Variants in CCDC7 observed in about 807,000 individuals in gnomAD.
CCDC7 encodes the protein coiled-coil domain containing 7.
CCDC7 carries 183 observed loss-of-function variants against 196.9 expected under a neutral mutation model. That is an observed-to-expected ratio of 0.93 (90% CI 0.82 to 1.05). The LOEUF is 1.05. CCDC7 is among the 50% of genes least tolerant of loss of function. The probability of loss-of-function intolerance (pLI) is 0.00; values close to 1 mark genes in which losing one functional copy is unlikely to be tolerated. For missense variants in CCDC7, 1,540 were observed against 1,482.2 expected (o/e 1.04, Z -0.64); for synonymous variants, 525 against 484.6 (o/e 1.08, Z -1.10).
intron 8 of CCDC7, among the ~76,000 whole-genome samples, chr10:32,480,836 A>T (rs933984883): frequency 9.2e-5 from 14 of 152,124 alleles, no homozygotes; most frequent in South Asian, 2.1e-4. Flanking sequence ...TGTTGAATGG[A>T]CTATCTTGTA....
intron 23 of CCDC7, among the ~76,000 whole-genome samples, chr10:32,689,797 C>T (rs11009033): frequency 0.14 from 20,988 of 151,800 alleles, 1,751 homozygotes; most frequent in East Asian, 0.25. Flanking sequence ...TGCAGTGGCC[C>T]GATCTTGGCT....
intron 25 of CCDC7, chr10:32,725,325 A>G (rs2082957799): frequency 2.1e-6 from 1 of 470,802 alleles, no homozygotes; most frequent in Non-Finnish European, 4.4e-6. Flanking sequence ...CAAACCTACT[A>G]AAAGAATTTC....
Position 32,556,021 on chromosome 10 carries a change from C to A in CCDC7, c.1135-9537C>A, listed in dbSNP as rs183227183. Among the ~76,000 whole-genome samples, 316 of 152,262 alleles carry A rather than the reference C, an allele frequency of 2.1e-3. 1 individual carries two copies. Among genetic ancestry groups the A allele is most frequent in the African/African-American group, 7.4e-3 (307 of 41,546 alleles). On this transcript the variant is annotated intron_variant, in intron 13 of 41. Coordinates refer to ENST00000639629, the Ensembl canonical transcript of CCDC7. Reference sequence around the variant, plus strand: ...TGAAAGATCTCTGGAGGCCTCAGCTCACATCACTCATGGTGTCATTTGTGT... The same window carrying A: ...TGAAAGATCTCTGGAGGCCTCAGCTAACATCACTCATGGTGTCATTTGTGT...
At chr10:32,634,490 G>A (rs962545911) in intron 19 of CCDC7, 126 bp downstream of exon 20, 10 of 335,844 alleles carry the variant, frequency 3.0e-5, no homozygotes, top group African/African-American at 1.1e-4. Context: ...TCCATCTTCC[G>A]GGTTGAAGCG....
chr10:32,778,717 A>T (rs1204015897), intron 28 of CCDC7, among the ~76,000 whole-genome samples: 1 of 152,208 alleles, frequency 6.6e-6, no homozygotes, highest in African/African-American at 2.4e-5. Context: ...TCTGTTAAAA[A>T]TGACATTGGT....
At chr10:32,720,714 T>C (rs954716224) in intron 25 of CCDC7, among the ~76,000 whole-genome samples, 1 of 152,090 alleles carries the variant, frequency 6.6e-6, no homozygotes, top group African/African-American at 2.4e-5. Flanking sequence ...ATTGGCATAG[T>C]TGATGACCCT....
At chr10:32,688,903 A>G (rs937287804) in intron 22 of CCDC7, 150 bp from the exon 24 acceptor site, 3 of 593,304 alleles carry the variant, frequency 5.1e-6, no homozygotes, top group Non-Finnish European at 9.1e-6. Context: ...TCTTCTCACC[A>G]TTTTCATAGT....
chr10:32,550,285 CTTTT>C (rs2053252964), intron 13 of CCDC7, among the ~76,000 whole-genome samples: 1 of 151,482 alleles, frequency 6.6e-6, no homozygotes, highest in African/African-American at 2.4e-5. Context: ...TTGCTGAATT[CTTTT>C]ATCAGTTCTA....
At chr10:32,505,037 G>A (rs1418803378) in intron 9 of CCDC7, among the ~76,000 whole-genome samples, 1 of 152,124 alleles carries the variant, frequency 6.6e-6, no homozygotes, top group Non-Finnish European at 1.5e-5. Context: ...ATTGCTGTCT[G>A]TCTCTCGATT....
intron 25 of CCDC7, among the ~76,000 whole-genome samples, chr10:32,714,777 T>C (rs1013709289): frequency 6.6e-6 from 1 of 152,120 alleles, no homozygotes; most frequent in African/African-American, 2.4e-5. Flanking sequence ...ACAAAGCTGC[T>C]GGGAAGTTCG....
At chr10:32,483,444 T>C (rs1304997898) in intron 8 of CCDC7, among the ~76,000 whole-genome samples, 3 of 152,258 alleles carry the variant, frequency 2.0e-5, no homozygotes, top group Non-Finnish European at 2.9e-5. Flanking sequence ...ATTCTGTAGG[T>C]TGCCTGTTCA....
chr10:32,574,194 T>C (rs1345392924), intron 16 of CCDC7, among the ~76,000 whole-genome samples: 1 of 151,800 alleles, frequency 6.6e-6, no homozygotes, highest in Non-Finnish European at 1.5e-5. Flanking sequence ...CAAAAATTCA[T>C]TTTGTTTGCA....
intron 18 of CCDC7, among the ~76,000 whole-genome samples, chr10:32,624,130 T>C (rs1008148506): frequency 6.6e-6 from 1 of 152,162 alleles, no homozygotes; most frequent in Non-Finnish European, 1.5e-5. Context: ...CATTCTTTTC[T>C]TCCTTTTATC....
At chr10:32,754,038 A>G (rs541678914) in intron 28 of CCDC7, among the ~76,000 whole-genome samples, 26 of 147,982 alleles carry the variant, frequency 1.8e-4, no homozygotes, top group African/African-American at 6.3e-4. Context: ...TAAAAATAAG[A>G]TAAAATTCCT....
chr10:32,560,192 C>A (rs897936858), intron 13 of CCDC7, among the ~76,000 whole-genome samples: 1 of 152,214 alleles, frequency 6.6e-6, no homozygotes, highest in Non-Finnish European at 1.5e-5. Flanking sequence ...AAATCTATGT[C>A]TGATTGGTGT....
chr10:32,511,836 G>A, intron 9 of CCDC7: 1 of 781,880 alleles, frequency 1.3e-6, no homozygotes, highest in Non-Finnish European at 2.2e-6. Context: ...GCCACCAGCG[G>A]CGCTTTCCGA....
At chr10:32,760,759 A>T (rs533783294) in intron 28 of CCDC7, among the ~76,000 whole-genome samples, 117 of 137,962 alleles carry the variant, frequency 8.5e-4, no homozygotes, top group Admixed American at 1.9e-3. Flanking sequence ...AATAAAATTA[A>T]AAAAAAAAGA....
chr10:32,694,243 T>A (rs1033122885), intron 23 of CCDC7, among the ~76,000 whole-genome samples: 35 of 152,242 alleles, frequency 2.3e-4, no homozygotes, highest in Non-Finnish European at 4.7e-4. Flanking sequence ...CACTTGTTTT[T>A]ATTATTTTTT....
intron 29 of CCDC7, among the ~76,000 whole-genome samples, chr10:32,780,613 C>A (rs2080894184): frequency 6.6e-6 from 1 of 151,584 alleles, no homozygotes; most frequent in African/African-American, 2.4e-5. Context: ...TTGGTAATCA[C>A]AAAGAAAATA....
Sources: allele counts gnomAD v4.1 joint callset (sites outside exome capture counted in the v4.1 genomes callset), GRCh38; gene constraint gnomAD v4.1.1; transcripts MANE v1.5; gene names NCBI Gene and HGNC (gene_info 2026-07-23, HGNC 2026-07-21).